Variants in CIMIP5 observed in about 807,000 individuals in gnomAD.
CIMIP5 encodes ciliary microtubule inner protein 5.
the CIMIP5 span, among the ~76,000 whole-genome samples, chr2:11,143,152 A>T: frequency 2.0e-5 from 3 of 152,150 alleles, no homozygotes; most frequent in Non-Finnish European, 4.4e-5. Flanking sequence ...CAGGTGAATA[A>T]CTTGTGTGAT....
chr2:11,150,857 G>A, the CIMIP5 span, among the ~76,000 whole-genome samples: 2 of 151,126 alleles, frequency 1.3e-5, no homozygotes, highest in Non-Finnish European at 3.0e-5. Flanking sequence ...ACCCTACTCA[G>A]GATCATGCCA....
the CIMIP5 span, chr2:11,133,341 A>G: frequency 6.3e-7 from 1 of 1,577,776 alleles, no homozygotes; most frequent in Admixed American, 1.8e-5. Flanking sequence ...CACCATGGGG[A>G]GCCACCCCAC....
the CIMIP5 span, chr2:11,145,873 C>T: frequency 6.6e-6 from 1 of 152,158 alleles, no homozygotes; most frequent in Admixed American, 6.6e-5. Context: ...CAAAAACTGG[C>T]CAAAACAAAA....
At chr2:11,148,259 A>G in the CIMIP5 span, among the ~76,000 whole-genome samples, 1 of 151,886 alleles carries the variant, frequency 6.6e-6, no homozygotes, top group Admixed American at 6.6e-5. Context: ...CTGGGATTAC[A>G]AGCATGCACC....
the CIMIP5 span, among the ~76,000 whole-genome samples, chr2:11,140,339 C>A: frequency 4.8e-5 from 7 of 145,724 alleles, no homozygotes; most frequent in Non-Finnish European, 1.0e-4. Context: ...TGCGCCACGG[C>A]ACTCCAGCCT....
At chr2:11,133,382 G>C in the CIMIP5 span, 1 of 1,612,246 alleles carries the variant, frequency 6.2e-7, no homozygotes, top group Non-Finnish European at 8.5e-7. Flanking sequence ...CATCAGCTGG[G>C]TACCGATTGC....
the CIMIP5 span, chr2:11,133,166 G>A: frequency 1.4e-6 from 1 of 739,232 alleles, no homozygotes; most frequent in Non-Finnish European, 2.0e-6. Context: ...TGTCCCCATC[G>A]GCCACTCTGA....
the CIMIP5 span, among the ~76,000 whole-genome samples, chr2:11,139,454 T>C: frequency 6.6e-6 from 1 of 152,140 alleles, no homozygotes; most frequent in Non-Finnish European, 1.5e-5. Flanking sequence ...TAAGATTAGA[T>C]TCAAATAAAA....
chr2:11,151,662 C>T, the CIMIP5 span, among the ~76,000 whole-genome samples: 3 of 152,380 alleles, frequency 2.0e-5, no homozygotes, highest in South Asian at 2.1e-4. Flanking sequence ...GACGGAGTCT[C>T]GCTCTGTCAC....
At chr2:11,134,065 G>A in the CIMIP5 span, among the ~76,000 whole-genome samples, 1 of 152,088 alleles carries the variant, frequency 6.6e-6, no homozygotes, top group Non-Finnish European at 1.5e-5. Context: ...CAGCCAAAAA[G>A]CAAGCAGAGA....
the CIMIP5 span, chr2:11,133,281 G>GTGTC: frequency 1.4e-6 from 2 of 1,458,806 alleles, no homozygotes; most frequent in Non-Finnish European, 9.1e-7. Flanking sequence ...TCAGGCACAG[G>GTGTC]TCTCTCTCTC....
At chr2:11,141,835 G>A in the CIMIP5 span, among the ~76,000 whole-genome samples, 1 of 151,990 alleles carries the variant, frequency 6.6e-6, no homozygotes, top group Admixed American at 6.6e-5. Context: ...TTTTTAAAAA[G>A]AGAAAAGATG....
At chr2:11,136,488 G>A in the CIMIP5 span, among the ~76,000 whole-genome samples, 66 of 152,302 alleles carry the variant, frequency 4.3e-4, no homozygotes, top group African/African-American at 1.5e-3. Context: ...AGTTTTAAAT[G>A]CCTGAACCAC....
At chr2:11,138,499 G>A in the CIMIP5 span, among the ~76,000 whole-genome samples, 1 of 152,174 alleles carries the variant, frequency 6.6e-6, no homozygotes, top group Non-Finnish European at 1.5e-5. Flanking sequence ...ATAGAAAGTC[G>A]ATAGATAAGT....
the CIMIP5 span, chr2:11,144,039 C>T: frequency 8.1e-6 from 13 of 1,606,722 alleles, no homozygotes; most frequent in South Asian, 1.2e-4. Flanking sequence ...GACAGACTCT[C>T]ATCCGCATGG....
At chr2:11,143,896 A>G in the CIMIP5 span, 2 of 1,537,312 alleles carry the variant, frequency 1.3e-6, no homozygotes, top group Admixed American at 1.9e-5. Context: ...GCTCTGTGTG[A>G]CCCGAGCTGT....
At chr2:11,143,030 A>T in the CIMIP5 span, among the ~76,000 whole-genome samples, 1 of 152,172 alleles carries the variant, frequency 6.6e-6, no homozygotes, top group African/African-American at 2.4e-5. Flanking sequence ...TCATTCATTC[A>T]TGCATGCATC....
chr2:11,143,669 T>C, the CIMIP5 span, among the ~76,000 whole-genome samples: 2 of 152,002 alleles, frequency 1.3e-5, no homozygotes, highest in African/African-American at 4.8e-5. Context: ...CCTTGATCTC[T>C]GCAGGTCGCA....
the CIMIP5 span, among the ~76,000 whole-genome samples, chr2:11,134,413 GC>G: frequency 2.6e-5 from 4 of 152,306 alleles, no homozygotes; most frequent in Non-Finnish European, 4.4e-5. Flanking sequence ...TAAGTGAGCA[GC>G]CTGATAGATT....
Sources: gnomAD v4.1 joint callset for allele counts (sites outside exome capture counted in the v4.1 genomes callset) on GRCh38, gnomAD v4.1.1 for gene constraint, MANE v1.5 for transcripts, NCBI Gene and HGNC (gene_info 2026-07-23, HGNC 2026-07-21) for gene names.